SND1: variants seen among roughly 807,000 people sequenced by gnomAD.
SND1 encodes the protein staphylococcal nuclease domain-containing protein 1.
SND1 carries 38 observed loss-of-function variants against 121.7 expected under a neutral mutation model. That is an observed-to-expected ratio of 0.31 (90% CI 0.24 to 0.41). The LOEUF (loss-of-function observed/expected upper bound fraction) is 0.41, where lower values mean the gene tolerates loss of function less well. SND1 is among the 10% of genes least tolerant of loss of function. The pLI is 1.00. For synonymous variants in SND1, 401 were observed against 447.4 expected (o/e 0.90, Z 1.31); for missense variants, 868 against 1,184.6 (o/e 0.73, Z 3.92).
chr7:127,702,352 G>A (rs1796119452), intron 5 of SND1, 83 bp from the exon 6 acceptor site: 2 of 1,263,606 alleles, frequency 1.6e-6, no homozygotes, highest in Non-Finnish European at 2.3e-6. Context: ...AGAGGAAACT[G>A]TGTTAAGTGC....
At chr7:127,736,237 T>C (rs1796774381) in intron 10 of SND1, among the ~76,000 whole-genome samples, 1 of 152,222 alleles carries the variant, frequency 6.6e-6, no homozygotes, top group Admixed American at 6.5e-5. Flanking sequence ...ATAATCACTT[T>C]ATAAATTTGG....
intron 15 of SND1, among the ~76,000 whole-genome samples, chr7:127,982,323 A>G (rs1393352733): frequency 1.3e-5 from 2 of 152,124 alleles, no homozygotes; most frequent in Non-Finnish European, 2.9e-5. Context: ...AATCCGAACA[A>G]CCTAATAAAA....
intron 16 of SND1, among the ~76,000 whole-genome samples, chr7:128,010,149 C>T (rs915145891): frequency 1.3e-5 from 2 of 152,230 alleles, no homozygotes; most frequent in Admixed American, 6.5e-5. Flanking sequence ...GTCTTTGGTC[C>T]TTTTGGCACC....
chr7:127,778,323 T>C (rs1797657469), intron 10 of SND1, among the ~76,000 whole-genome samples: 1 of 152,052 alleles, frequency 6.6e-6, no homozygotes, highest in South Asian at 2.1e-4. Context: ...GCCTCCCAAG[T>C]AGCTGGGAGC....
At chr7:127,795,897 A>G (rs1442217282) in intron 10 of SND1, among the ~76,000 whole-genome samples, 12 of 152,012 alleles carry the variant, frequency 7.9e-5, no homozygotes, top group Admixed American at 2.0e-4. Context: ...TTGCTCTGTC[A>G]CCCAGGCTGG....
At chr7:128,091,700 C>G (rs936890955) in intron 22 of SND1, 137 bp from the exon 23 acceptor site, 3 of 862,366 alleles carry the variant, frequency 3.5e-6, no homozygotes, top group African/African-American at 1.7e-5. Flanking sequence ...CCGTTTTACT[C>G]TGAGGGAACT....
chr7:128,035,966 C>G (rs896330268), intron 16 of SND1, among the ~76,000 whole-genome samples: 2 of 152,144 alleles, frequency 1.3e-5, no homozygotes, highest in Admixed American at 6.5e-5. Context: ...AGCTGGGTAT[C>G]GTTTTGCCAC....
At chr7:127,930,010 A>C (rs2116820210) in intron 15 of SND1, among the ~76,000 whole-genome samples, 1 of 152,338 alleles carries the variant, frequency 6.6e-6, no homozygotes, top group East Asian at 1.9e-4. Flanking sequence ...ACATTTATGC[A>C]TTCAAGGAAC....
intron 12 of SND1, among the ~76,000 whole-genome samples, chr7:127,860,494 C>A (rs897712426): frequency 6.6e-6 from 1 of 152,202 alleles, no homozygotes; most frequent in African/African-American, 2.4e-5. Flanking sequence ...CCAGTTAATT[C>A]AGTGGCCTGA....
intron 16 of SND1, among the ~76,000 whole-genome samples, chr7:128,020,238 A>T (rs1249713036): frequency 6.6e-6 from 1 of 152,230 alleles, no homozygotes; most frequent in Non-Finnish European, 1.5e-5. Flanking sequence ...GTCTCAGAGC[A>T]TTAAGCACAG....
At chr7:128,057,277 A>G (rs779423316) in intron 16 of SND1, among the ~76,000 whole-genome samples, 19 of 152,338 alleles carry the variant, frequency 1.2e-4, no homozygotes, top group Non-Finnish European at 2.1e-4. Flanking sequence ...GGCTGAATCT[A>G]TAAGAATTAG....
At chr7:127,895,045 C>T (rs908356050) in intron 13 of SND1, among the ~76,000 whole-genome samples, 24 of 151,838 alleles carry the variant, frequency 1.6e-4, no homozygotes, top group African/African-American at 5.8e-4. Context: ...CACTGCTTGC[C>T]TTACATCTTT....
At chr7:128,081,899 G>A (rs1165074002) in intron 18 of SND1, 1 of 537,566 alleles carries the variant, frequency 1.9e-6, no homozygotes, top group Admixed American at 1.9e-5. Flanking sequence ...GCATTGCTCA[G>A]CCCGTTTCCC....
intron 16 of SND1, among the ~76,000 whole-genome samples, chr7:128,050,252 C>T (rs1206688832): frequency 1.3e-5 from 2 of 152,188 alleles, no homozygotes; most frequent in African/African-American, 2.4e-5. Context: ...TTGCAAAAGT[C>T]ACTGTTTTCT....
chr7:127,652,594 C>T (rs1795141487), intron 1 of SND1, 143 bp downstream of exon 1: 1 of 702,054 alleles, frequency 1.4e-6, no homozygotes, highest in African/African-American at 1.8e-5. Flanking sequence ...TTCTCCGAAT[C>T]CTCTCACTAG....
intron 15 of SND1, among the ~76,000 whole-genome samples, chr7:127,989,256 G>A (rs1802465698): frequency 2.6e-5 from 4 of 152,198 alleles, no homozygotes; most frequent in Admixed American, 2.6e-4. Flanking sequence ...TTTCAAGGGT[G>A]GCAGAATGGT....
At chr7:128,054,607 C>T (rs1793104931) in intron 16 of SND1, among the ~76,000 whole-genome samples, 1 of 152,174 alleles carries the variant, frequency 6.6e-6, no homozygotes, top group Admixed American at 6.5e-5. Flanking sequence ...GCCCTTTGAC[C>T]AAAGAGCTTT....
chr7:128,059,398 A>T (rs956405608), intron 16 of SND1, among the ~76,000 whole-genome samples: 4 of 152,170 alleles, frequency 2.6e-5, no homozygotes, highest in African/African-American at 9.7e-5. Context: ...CTCCTTTTAG[A>T]CCTACTGCAG....
chr7:127,698,180 A>G (rs561908493), intron 3 of SND1, among the ~76,000 whole-genome samples: 1 of 152,260 alleles, frequency 6.6e-6, no homozygotes, highest in Admixed American at 6.5e-5. Flanking sequence ...CAGTATCCCT[A>G]TGAGAGCAAG....
Sources: allele counts gnomAD v4.1 joint callset (sites outside exome capture counted in the v4.1 genomes callset), GRCh38; gene constraint gnomAD v4.1.1; transcripts MANE v1.5; gene names NCBI Gene and HGNC (gene_info 2026-07-23, HGNC 2026-07-21).